DMD: variants seen among roughly 807,000 people sequenced by gnomAD.
DMD encodes mutant dystrophin.
A neutral mutation model predicts 330.1 loss-of-function variants in DMD; 63 were observed. The observed-to-expected ratio is 0.19, with a 90% CI of 0.16 to 0.24. The LOEUF is 0.24. Among genes scored for constraint, DMD ranks in the 10% least tolerant of loss-of-function variants. The probability of loss-of-function intolerance (pLI) is 1.00; values close to 1 mark genes in which losing one functional copy is unlikely to be tolerated. For missense variants in DMD, 3,344 were observed against 2,684.1 expected (o/e 1.25, Z -5.43); for synonymous variants, 1,223 against 959.8 (o/e 1.27, Z -5.07).
chrX:31,248,093 A>G (rs1397778246), intron 63 of DMD, among the ~76,000 whole-genome samples: 4 of 112,357 alleles, frequency 3.6e-5, no homozygotes, highest in African/African-American at 1.3e-4. Flanking sequence ...TTACTGGCTG[A>G]AGGCTCAGGT....
At chrX:32,478,985 A>C (rs1034333490) in intron 21 of DMD, among the ~76,000 whole-genome samples, 3 of 111,117 alleles carry the variant, frequency 2.7e-5, no homozygotes, top group Non-Finnish European at 5.7e-5. Context: ...TTTTCCAGGT[A>C]AGTCTCATTT....
intron 48 of DMD, among the ~76,000 whole-genome samples, chrX:31,855,193 G>A (rs1434819513): frequency 1.1e-5 from 1 of 87,470 alleles, no homozygotes; most frequent in East Asian, 3.1e-4. Flanking sequence ...TCATTTGAGT[G>A]TGGTTCTGAT....
chrX:32,812,478 C>T (rs1306750289), intron 6 of DMD, among the ~76,000 whole-genome samples: 4 of 110,876 alleles, frequency 3.6e-5, no homozygotes, highest in African/African-American at 1.3e-4. Context: ...ACTAAAAATA[C>T]AAAAATTAGC....
chrX:32,043,924 G>A (rs890073678), intron 44 of DMD, among the ~76,000 whole-genome samples: 1 of 111,786 alleles, frequency 8.9e-6, no homozygotes, highest in Admixed American at 9.5e-5. Flanking sequence ...TCCTAAAAGT[G>A]TTAAACAAGT....
At chrX:32,977,701 T>C (rs1421875270) in intron 2 of DMD, among the ~76,000 whole-genome samples, 1 of 109,386 alleles carries the variant, frequency 9.1e-6, no homozygotes, top group East Asian at 2.9e-4. Flanking sequence ...TATATGAGCA[T>C]ATGTATGTGT....
At chrX:33,297,858 T>C (rs779272079) in intron 1 of DMD, among the ~76,000 whole-genome samples, 3 of 110,314 alleles carry the variant, frequency 2.7e-5, no homozygotes, top group Non-Finnish European at 3.8e-5. Flanking sequence ...AGTAGGAACC[T>C]TCAGTTATAG....
intron 62 of DMD, among the ~76,000 whole-genome samples, chrX:31,293,193 T>TGTGTGTGTGTGTGTGTGTGTGTGTGTGTG (rs1569519830): frequency 5.2e-5 from 3 of 57,904 alleles, no homozygotes; most frequent in East Asian, 4.8e-4. Context: ...TGTGTGTGTG[T>TGTGTGTGTGTGTGTGTGTGTGTGTGTGTG]AGTCTGGTTT....
At chrX:33,040,092 A>T (rs1282028206) in intron 1 of DMD, among the ~76,000 whole-genome samples, 1 of 111,452 alleles carries the variant, frequency 9.0e-6, no homozygotes, top group Non-Finnish European at 1.9e-5. Flanking sequence ...ACATTTCAGC[A>T]TCCTTGGAAA....
intron 1 of DMD, among the ~76,000 whole-genome samples, chrX:33,283,028 C>T (rs750332834): frequency 1.8e-5 from 2 of 112,202 alleles, no homozygotes; most frequent in South Asian, 7.4e-4. Flanking sequence ...AGGGAAAAAT[C>T]AGTTTATGCC....
intron 62 of DMD, among the ~76,000 whole-genome samples, chrX:31,313,869 T>C (rs971178515): frequency 1.8e-5 from 2 of 109,438 alleles, no homozygotes; most frequent in African/African-American, 6.7e-5. Flanking sequence ...GGTCTCACTC[T>C]GTCACCCAGG....
chrX:31,170,382 T>C (rs2148192507), intron 73 of DMD, among the ~76,000 whole-genome samples: 1 of 111,047 alleles, frequency 9.0e-6, no homozygotes, highest in East Asian at 2.8e-4. Context: ...GCTACAATCT[T>C]TCCTGGAAAC....
chrX:32,739,764 C>A (rs2068992769), intron 7 of DMD, among the ~76,000 whole-genome samples: 2 of 110,684 alleles, frequency 1.8e-5, no homozygotes, highest in South Asian at 7.6e-4. Flanking sequence ...CAGCAGTTCT[C>A]ATAGTGTGGT....
At chrX:31,510,336 T>C (rs926243642) in intron 55 of DMD, among the ~76,000 whole-genome samples, 2 of 110,734 alleles carry the variant, frequency 1.8e-5, no homozygotes, top group African/African-American at 6.6e-5. Context: ...GCCAGAAGCA[T>C]TGGATATAAT....
intron 27 of DMD, among the ~76,000 whole-genome samples, chrX:32,444,624 G>A (rs1187244512): frequency 1.8e-5 from 2 of 110,830 alleles, no homozygotes; most frequent in Non-Finnish European, 3.8e-5. Context: ...CTGGCAAGTG[G>A]AATTCACACC....
chrX:32,525,828 A>G (rs1217167611), intron 17 of DMD, among the ~76,000 whole-genome samples: 1 of 112,087 alleles, frequency 8.9e-6, no homozygotes, highest in African/African-American at 3.2e-5. Context: ...AACGAAATAT[A>G]TCATTCAGAT....
intron 52 of DMD, among the ~76,000 whole-genome samples, chrX:31,690,862 A>G (rs2083065877): frequency 2.7e-5 from 3 of 111,138 alleles, no homozygotes; most frequent in African/African-American, 9.8e-5. Flanking sequence ...GCAAACTATC[A>G]CAAGGACAGA....
At chrX:33,113,779 C>A (rs973522131) in intron 1 of DMD, among the ~76,000 whole-genome samples, 29 of 111,121 alleles carry the variant, frequency 2.6e-4, no homozygotes, top group African/African-American at 9.5e-4. Flanking sequence ...CCCAAAAGAT[C>A]AGTTGTCACA....
chrX:32,015,842 C>T, intron 44 of DMD, among the ~76,000 whole-genome samples: 1 of 112,085 alleles, frequency 8.9e-6, no homozygotes, highest in East Asian at 2.8e-4. Context: ...CATTCTGCTC[C>T]TTATCTAATA....
intron 64 of DMD, among the ~76,000 whole-genome samples, chrX:31,221,564 T>A (rs377140761): frequency 1.8e-5 from 2 of 112,974 alleles, no homozygotes; most frequent in South Asian, 7.2e-4. Flanking sequence ...GCTGTTCACA[T>A]AGTACCCCAT....
Sources: gnomAD v4.1 joint callset for allele counts (sites outside exome capture counted in the v4.1 genomes callset) on GRCh38, gnomAD v4.1.1 for gene constraint, MANE v1.5 for transcripts, NCBI Gene and HGNC (gene_info 2026-07-23, HGNC 2026-07-21) for gene names.